The following PRORP variants were observed in gnomAD, a reference collection of about 807,000 sequenced individuals.
PRORP encodes the protein protein only RNase P catalytic subunit.
A neutral mutation model predicts 59.4 loss-of-function variants in PRORP; 51 were observed. The ratio of observed to expected loss-of-function variants is 0.86; its 90% CI spans 0.69 to 1.08. The LOEUF (loss-of-function observed/expected upper bound fraction) is 1.08. Ranked by LOEUF, PRORP falls within the 50% of genes least tolerant of loss-of-function variation. The pLI, the probability that PRORP is intolerant of heterozygous loss-of-function variation, is 0.00. For missense variants in PRORP, 646 were observed against 690.3 expected (o/e 0.94, Z 0.72); for synonymous variants, 231 against 245.6 (o/e 0.94, Z 0.55).
rs762628639 is a variant in PRORP, at chr14:35,214,855, C to G, written c.1275+34078C>G. 2.4e-4 allele frequency among the ~76,000 whole-genome samples: 36 copies of G among 152,250 alleles called. 1 individual carries two copies. Among genetic ancestry groups the G allele is most frequent in the Admixed American group, 1.6e-3 (24 of 15,292 alleles). ...CCAGGAGGCAGAGGTTTCAGTGAGC[C>G]GAGATCGTGCCACTGCACTCCAGCC... On this transcript the variant is annotated intron_variant, in intron 5 of 7. Coordinates refer to ENST00000534898, the MANE Select transcript of PRORP (RefSeq NM_014672.4).
At chr14:35,165,843 C>G (rs541933816) in intron 4 of PRORP, among the ~76,000 whole-genome samples, 1 of 152,176 alleles carries the variant, frequency 6.6e-6, no homozygotes, top group Non-Finnish European at 1.5e-5. Context: ...CTACGCCCAG[C>G]TAATTTTTGT....
At chr14:35,181,466 C>T (rs1021637065) in intron 5 of PRORP, among the ~76,000 whole-genome samples, 2 of 152,102 alleles carry the variant, frequency 1.3e-5, no homozygotes, top group Non-Finnish European at 1.5e-5. Flanking sequence ...AGCCATTCAT[C>T]TGTAATTAAA....
At chr14:35,139,343 T>A (rs1300763740) in intron 4 of PRORP, among the ~76,000 whole-genome samples, 1 of 145,586 alleles carries the variant, frequency 6.9e-6, no homozygotes, top group Non-Finnish European at 1.5e-5. Context: ...ACTTTATGAG[T>A]TTTGTCATAT....
intron 5 of PRORP, among the ~76,000 whole-genome samples, chr14:35,193,917 T>C (rs76487178): frequency 0.016 from 2,443 of 152,302 alleles, 81 homozygotes; most frequent in African/African-American, 0.057. Context: ...GGGTGTCTTA[T>C]TCACACTTGG....
At chr14:35,126,621 G>C (rs1470597822) in intron 2 of PRORP, 114 bp from the exon 3 acceptor site, 7 of 718,010 alleles carry the variant, frequency 9.7e-6, no homozygotes, top group African/African-American at 1.8e-5. Context: ...TTCTACAGAA[G>C]TATCTTGAAC....
chr14:35,162,400 A>T (rs1292415282), intron 4 of PRORP, among the ~76,000 whole-genome samples: 1 of 152,120 alleles, frequency 6.6e-6, no homozygotes, highest in African/African-American at 2.4e-5. Context: ...GCCTATATGA[A>T]GTAAAAAAAT....
chr14:35,191,187 G>A (rs1157659825), intron 5 of PRORP, among the ~76,000 whole-genome samples: 1 of 152,134 alleles, frequency 6.6e-6, no homozygotes, highest in East Asian at 1.9e-4. Context: ...AATCCTGGGG[G>A]CAGTTTCCCT....
At chr14:35,152,422 GC>G (rs1470435525) in intron 4 of PRORP, among the ~76,000 whole-genome samples, 2 of 152,164 alleles carry the variant, frequency 1.3e-5, no homozygotes, top group African/African-American at 4.8e-5. Context: ...CATCATCATG[GC>G]CCGTTCTCAA....
rs918698475 is a variant in PRORP, at chr14:35,276,057, C to G, written c.*2491C>G. On this transcript the variant is annotated 3_prime_UTR_variant, in exon 8 of 8. Transcript: ENST00000534898. The stretch of plus-strand genomic sequence containing the variant: ...GGCATGGTGGCCCACACCTACAGTT[C>G]CAGCACTTTGGGAGGCCAAATGGGA... 2.0e-5 allele frequency: 3 copies of G among 152,348 alleles called. No individual in the cohort carries two copies. The highest frequency in any genetic ancestry group is 4.4e-5 in the Non-Finnish European group (3 of 68,178). 9.4% of individuals were successfully genotyped at this position (152,348 alleles called of 1,614,324 possible).
chr14:35,268,882 C>T (rs1453650905), intron 6 of PRORP, among the ~76,000 whole-genome samples: 2 of 152,244 alleles, frequency 1.3e-5, no homozygotes, highest in Admixed American at 1.3e-4. Flanking sequence ...GCATGAGCCA[C>T]CTCGCCTGGC....
At chr14:35,224,852 C>CAAA (rs1566508726) in intron 5 of PRORP, among the ~76,000 whole-genome samples, 1 of 152,044 alleles carries the variant, frequency 6.6e-6, no homozygotes, top group Non-Finnish European at 1.5e-5. Flanking sequence ...CAGTTGGTGT[C>CAAA]TAGCTCTTGT....
intron 5 of PRORP, among the ~76,000 whole-genome samples, chr14:35,215,542 C>G (rs898869816): frequency 6.6e-6 from 1 of 151,990 alleles, no homozygotes; most frequent in Admixed American, 6.6e-5. Flanking sequence ...TCACTTGAGG[C>G]TGGTAATTTG....
chr14:35,268,378 A>G (rs997822353), intron 6 of PRORP, among the ~76,000 whole-genome samples: 17 of 150,206 alleles, frequency 1.1e-4, no homozygotes, highest in African/African-American at 3.4e-4. Flanking sequence ...CCACAAACCT[A>G]CAGTAGCCAT....
chr14:35,266,413 T>G (rs903958315), intron 5 of PRORP, among the ~76,000 whole-genome samples: 1 of 151,960 alleles, frequency 6.6e-6, no homozygotes, highest in Non-Finnish European at 1.5e-5. Context: ...GCCCAGGAAT[T>G]CAAGGCTGCA....
intron 5 of PRORP, among the ~76,000 whole-genome samples, chr14:35,265,804 A>G (rs1320678470): frequency 6.6e-6 from 1 of 152,108 alleles, no homozygotes; most frequent in Non-Finnish European, 1.5e-5. Context: ...AAGGTTTGAC[A>G]TGTATAGGAA....
At chr14:35,258,422 G>A (rs561330958) in intron 5 of PRORP, among the ~76,000 whole-genome samples, 7 of 152,258 alleles carry the variant, frequency 4.6e-5, no homozygotes, top group Non-Finnish European at 8.8e-5. Flanking sequence ...AAAAGGAGAC[G>A]TATTTCAAGG....
In PRORP at chr14:35,242,860, A is replaced by G. The variant is rs546610629; in HGVS notation, c.1276-23867A>G. On this transcript the variant is annotated intron_variant, in intron 5 of 7. Transcript: ENST00000534898. ...TCTTACCAGCAGAGGAGAAAGAGCT[A>G]CTGTCCCCAAAGATTGGAGCAAATA... is the stretch of plus-strand genomic sequence containing the variant. 4.6e-5 allele frequency among the ~76,000 whole-genome samples: 7 copies of G among 152,340 alleles called. No individual in the cohort carries two copies. In the East Asian group the frequency reaches 1.3e-3, roughly 29 times the overall value.
At chr14:35,270,968 T>TCCCAGCTA (rs1265696000) in intron 7 of PRORP, among the ~76,000 whole-genome samples, 1 of 151,328 alleles carries the variant, frequency 6.6e-6, no homozygotes, top group African/African-American at 2.4e-5. Context: ...GTGCCTGTAA[T>TCCCAGCTA]CCCAGCTACT....
intron 5 of PRORP, among the ~76,000 whole-genome samples, chr14:35,232,866 G>T (rs543346290): frequency 6.6e-6 from 1 of 152,064 alleles, no homozygotes; most frequent in African/African-American, 2.4e-5. Flanking sequence ...GTAGAGGCGG[G>T]GTTTCACCAT....
Sources: allele counts gnomAD v4.1 joint callset (sites outside exome capture counted in the v4.1 genomes callset), GRCh38; gene constraint gnomAD v4.1.1; transcripts MANE v1.5; gene names NCBI Gene and HGNC (gene_info 2026-07-23, HGNC 2026-07-21).